Variants in LINGO1 observed in about 807,000 individuals in gnomAD.
LINGO1 encodes the protein leucine rich repeat and Ig domain containing 1, also known as leucine-rich repeat and immunoglobulin-like domain-containing nogo receptor-interacting protein 1.
A neutral mutation model predicts 37.3 loss-of-function variants in LINGO1; 11 were observed. The observed-to-expected ratio is 0.29, with a 90% confidence interval of 0.19 to 0.49. The LOEUF is 0.49. Among genes scored for constraint, LINGO1 ranks in the 20% least tolerant of loss-of-function variants. The probability of loss-of-function intolerance (pLI) is 0.99; values close to 1 mark genes in which losing one functional copy is unlikely to be tolerated. For missense variants in LINGO1, 585 were observed against 878.2 expected, an observed-to-expected ratio of 0.67 and a Z score of 4.22; for synonymous variants, 387 against 403.0, an observed-to-expected ratio of 0.96 and a Z score of 0.48.
At chr15:77,678,473 T>A (rs2141221336) in intron 2 of LINGO1, among the ~76,000 whole-genome samples, 1 of 152,378 alleles carries the variant, frequency 6.6e-6, no homozygotes, top group South Asian at 2.1e-4. Flanking sequence ...CATAATGCAC[T>A]TCACATTTAT....
intron 3 of LINGO1, among the ~76,000 whole-genome samples, chr15:77,656,749 C>A (rs1013082771): frequency 1.3e-5 from 2 of 152,218 alleles, no homozygotes; most frequent in African/African-American, 4.8e-5. Flanking sequence ...CTGCCTCCCC[C>A]GTCCCTCTGG....
At position 77,767,600 on chromosome 15, in the gene LINGO1, C is replaced by G. The variant is rs576689138; in HGVS notation, c.-257+19269G>C. Among the ~76,000 whole-genome samples, 11 of 152,194 alleles carry G rather than the reference C, an allele frequency of 7.2e-5. No homozygotes were observed. In the South Asian group the frequency reaches 2.3e-3, roughly 32 times the overall value. ...CTGCACAGAGGATGTCAAAATAAAC[C>G]AAATCAGAGCAGCACAGAGGCTCAG... On this transcript the variant is annotated intron_variant, in intron 1 of 3. Transcript: ENST00000561686.
At chr15:77,707,982 G>A (rs1042475834) in intron 2 of LINGO1, among the ~76,000 whole-genome samples, 3 of 152,182 alleles carry the variant, frequency 2.0e-5, no homozygotes, top group African/African-American at 2.4e-5. Context: ...ACCAGCCAGC[G>A]GGGAACCCTG....
intron 2 of LINGO1, among the ~76,000 whole-genome samples, chr15:77,716,280 CTTTTT>C (rs5813879): frequency 1.7e-5 from 2 of 119,262 alleles, no homozygotes; most frequent in Non-Finnish European, 1.7e-5. Context: ...TCTTCTTCTT[CTTTTT>C]TTTTTTTTTT....
At chr15:77,759,482 T>A (rs2141379888) in intron 1 of LINGO1, among the ~76,000 whole-genome samples, 1 of 152,208 alleles carries the variant, frequency 6.6e-6, no homozygotes, top group Admixed American at 6.5e-5. Context: ...CCTGAAAAAA[T>A]GGAGCCAATT....
At chr15:77,802,224 G>A (rs908670206) in intron 1 of LINGO1, among the ~76,000 whole-genome samples, 3 of 152,074 alleles carry the variant, frequency 2.0e-5, no homozygotes, top group Non-Finnish European at 4.4e-5. Context: ...AACTCTGGAG[G>A]GTGTGTGGGT....
upstream of LINGO1, among the ~76,000 whole-genome samples, chr15:77,788,948 C>T (rs547376484): frequency 2.1e-4 from 32 of 152,286 alleles, no homozygotes; most frequent in Admixed American, 2.0e-3. Context: ...GATTAACATC[C>T]CAGGCTGAAA....
At chr15:77,757,381 G>A (rs982803066) in intron 1 of LINGO1, among the ~76,000 whole-genome samples, 8 of 152,154 alleles carry the variant, frequency 5.3e-5, no homozygotes, top group African/African-American at 1.4e-4. Flanking sequence ...AGCATCATAT[G>A]GGGGGTGGTC....
chr15:77,721,567 T>G (rs2076050318), intron 2 of LINGO1, among the ~76,000 whole-genome samples: 1 of 152,176 alleles, frequency 6.6e-6, no homozygotes, highest in Admixed American at 6.5e-5. Context: ...CTACAGAAGC[T>G]CCATGAAGAA....
intron 2 of LINGO1, among the ~76,000 whole-genome samples, chr15:77,706,840 G>T (rs1387635547): frequency 6.6e-6 from 1 of 152,198 alleles, no homozygotes; most frequent in East Asian, 1.9e-4. Flanking sequence ...AGGAATCCCT[G>T]CTGAGGAGCA....
intron 1 of LINGO1, among the ~76,000 whole-genome samples, chr15:77,765,351 A>C (rs1289663099): frequency 6.6e-6 from 1 of 151,650 alleles, no homozygotes; most frequent in Non-Finnish European, 1.5e-5. Flanking sequence ...GGAGGTCGAG[A>C]CTGCAATGAG....
Position 77,713,982 on chromosome 15 carries a change from C to T in LINGO1, c.-195+21010G>A, listed in dbSNP as rs79295493. On this transcript the variant is annotated intron_variant, in intron 2 of 3. Coordinates refer to the LINGO1 transcript ENST00000561686. ...CTTCCTGGTGGTCCTTGGCTTTGCC[C>T]AGGTCTTTAAACACCATCTACAGCT... Among the ~76,000 whole-genome samples the T allele has an allele frequency of 7.1e-3, 1,080 of 152,258 alleles. 6 individuals are homozygous for T. The highest frequency in any genetic ancestry group is 0.012 in the Non-Finnish European group (829 of 68,020).
chr15:77,619,604 T>C (rs2073854224), intron 1 of LINGO1, among the ~76,000 whole-genome samples: 1 of 152,000 alleles, frequency 6.6e-6, no homozygotes, highest in African/African-American at 2.4e-5. Context: ...GGAGAATCCC[T>C]TGAGGCCAGG....
chr15:77,776,512 G>GCAGGAAGGCAGGAAA (rs2076649443), intron 1 of LINGO1, among the ~76,000 whole-genome samples: 1 of 82,288 alleles, frequency 1.2e-5, no homozygotes, highest in African/African-American at 5.5e-5. Context: ...AAGGCAGGAA[G>GCAGGAAGGCAGGAAA]GCAGGAAGGG....
In LINGO1 at chr15:77,725,099, G is replaced by A. The variant is rs895078073; in HGVS notation, c.-195+9893C>T. 5.9e-5 allele frequency among the ~76,000 whole-genome samples: 9 copies of A among 152,344 alleles called. No individual in the cohort carries two copies. In the East Asian group the frequency reaches 1.7e-3, roughly 29 times the overall value. ...GTGGGGCTCCCTTCTGGGTGTCCAAGCTGGTTTGGGTGTGCCCAGTCCAGA... is the reference window on the plus strand; with the variant it reads ...GTGGGGCTCCCTTCTGGGTGTCCAAACTGGTTTGGGTGTGCCCAGTCCAGA... On this transcript the variant is annotated intron_variant, in intron 2 of 3. Coordinates refer to the LINGO1 transcript ENST00000561686.
At chr15:77,764,750 G>A (rs916668489) in intron 1 of LINGO1, among the ~76,000 whole-genome samples, 2 of 152,192 alleles carry the variant, frequency 1.3e-5, no homozygotes, top group Non-Finnish European at 2.9e-5. Context: ...TGGGGGGAAC[G>A]ATTTGACCTT....
At chr15:77,663,728 T>C (rs1567502309) in intron 3 of LINGO1, among the ~76,000 whole-genome samples, 1 of 152,170 alleles carries the variant, frequency 6.6e-6, no homozygotes. Context: ...GATACGGGCC[T>C]CCCCTACCAC....
intron 1 of LINGO1, among the ~76,000 whole-genome samples, chr15:77,801,065 T>C (rs550589794): frequency 6.6e-6 from 1 of 152,092 alleles, no homozygotes; most frequent in Non-Finnish European, 1.5e-5. Flanking sequence ...GACCATTGGA[T>C]GGAGGGGGAA....
chr15:77,778,886 A>C (rs2076687521), intron 1 of LINGO1, among the ~76,000 whole-genome samples: 1 of 152,164 alleles, frequency 6.6e-6, no homozygotes, highest in African/African-American at 2.4e-5. Context: ...TCAGAGCAAA[A>C]GCCAAAGCCC....
Sources: gnomAD v4.1 joint callset for allele counts (sites outside exome capture counted in the v4.1 genomes callset) on GRCh38, gnomAD v4.1.1 for gene constraint, MANE v1.5 for transcripts, NCBI Gene and HGNC (gene_info 2026-07-23, HGNC 2026-07-21) for gene names.